PPM1L: variants seen among roughly 807,000 people sequenced by gnomAD.
PPM1L encodes the protein protein phosphatase 1L.
Under a neutral mutation model 31.4 loss-of-function variants are expected in PPM1L, and 13 were observed. The observed-to-expected ratio is 0.41, with a 90% CI of 0.27 to 0.66. The LOEUF (loss-of-function observed/expected upper bound fraction) is 0.66. Ranked by LOEUF, PPM1L falls within the 30% of genes least tolerant of loss-of-function variation. PPM1L has a pLI of 0.29. For missense variants in PPM1L, 326 were observed against 453.7 expected (o/e 0.72, Z 2.56); for synonymous variants, 184 against 175.4 (o/e 1.05, Z -0.39).
chr3:161,010,651 G>T (rs1420648948), intron 2 of PPM1L, among the ~76,000 whole-genome samples: 1 of 152,184 alleles, frequency 6.6e-6, no homozygotes, highest in South Asian at 2.1e-4. Flanking sequence ...CAGTGTAAAA[G>T]TGTTCCTATT....
chr3:161,018,462 A>G (rs1045762490), intron 2 of PPM1L, among the ~76,000 whole-genome samples: 1 of 152,168 alleles, frequency 6.6e-6, no homozygotes, highest in African/African-American at 2.4e-5. Flanking sequence ...TTCCAATATT[A>G]TTGCTTTGGA....
At chr3:161,012,935 T>A (rs1293154026) in intron 2 of PPM1L, among the ~76,000 whole-genome samples, 1 of 152,180 alleles carries the variant, frequency 6.6e-6, no homozygotes, top group African/African-American at 2.4e-5. Context: ...TTGCTAGCGG[T>A]CTATCAATAT....
At chr3:160,761,803 G>C (rs574222337) in intron 1 of PPM1L, among the ~76,000 whole-genome samples, 4 of 152,284 alleles carry the variant, frequency 2.6e-5, no homozygotes, top group Admixed American at 6.5e-5. Context: ...AAGGTGAAAG[G>C]TGCATCTCAC....
At chr3:160,767,620 T>C (rs1199904472) in intron 1 of PPM1L, among the ~76,000 whole-genome samples, 1 of 152,196 alleles carries the variant, frequency 6.6e-6, no homozygotes, top group Non-Finnish European at 1.5e-5. Flanking sequence ...TAAACACTTA[T>C]TTGCATTTGC....
At chr3:160,904,144 C>T (rs1459823682) in intron 1 of PPM1L, among the ~76,000 whole-genome samples, 2 of 151,866 alleles carry the variant, frequency 1.3e-5, no homozygotes, top group Non-Finnish European at 1.5e-5. Flanking sequence ...TTTCTAAAAC[C>T]CTCTTCAGAA....
At chr3:160,957,091 A>G (rs369433919) in intron 1 of PPM1L, among the ~76,000 whole-genome samples, 4 of 152,352 alleles carry the variant, frequency 2.6e-5, no homozygotes, top group East Asian at 1.9e-4. Context: ...CAGTATATAC[A>G]TGGCATTTGA....
chr3:160,879,184 C>A (rs1712618965), intron 1 of PPM1L, among the ~76,000 whole-genome samples: 1 of 152,226 alleles, frequency 6.6e-6, no homozygotes, highest in South Asian at 2.1e-4. Flanking sequence ...ATGGCCCCTA[C>A]TGGGTGCTTC....
At chr3:160,882,691 C>G (rs980569788) in intron 1 of PPM1L, among the ~76,000 whole-genome samples, 1 of 152,184 alleles carries the variant, frequency 6.6e-6, no homozygotes, top group African/African-American at 2.4e-5. Flanking sequence ...GATGTACCCA[C>G]TGCAGATATA....
intron 2 of PPM1L, among the ~76,000 whole-genome samples, chr3:161,056,154 G>A (rs1421272593): frequency 2.0e-5 from 3 of 152,156 alleles, no homozygotes; most frequent in African/African-American, 7.2e-5. Context: ...CAGAATGTTT[G>A]CTCTGAGGAG....
intron 1 of PPM1L, among the ~76,000 whole-genome samples, chr3:160,886,502 G>A (rs1351287021): frequency 6.6e-6 from 1 of 152,126 alleles, no homozygotes; most frequent in African/African-American, 2.4e-5. Flanking sequence ...GAAGGATCAG[G>A]CACCCATCTT....
intron 1 of PPM1L, among the ~76,000 whole-genome samples, chr3:160,955,561 T>G (rs1046208243): frequency 7.9e-5 from 12 of 152,198 alleles, no homozygotes; most frequent in African/African-American, 2.9e-4. Flanking sequence ...CAGTTTCCTT[T>G]ATGGTAAAGG....
At chr3:160,856,304 A>G (rs1408802509) in intron 1 of PPM1L, among the ~76,000 whole-genome samples, 3 of 152,182 alleles carry the variant, frequency 2.0e-5, no homozygotes, top group Non-Finnish European at 4.4e-5. Context: ...AATATTAACC[A>G]TCACATTGGT....
At chr3:160,982,438 C>T (rs1430317595) in intron 2 of PPM1L, among the ~76,000 whole-genome samples, 9 of 152,150 alleles carry the variant, frequency 5.9e-5, no homozygotes, top group Non-Finnish European at 1.2e-4. Context: ...ATCACTCCCT[C>T]CTCCCTTTTG....
intron 1 of PPM1L, among the ~76,000 whole-genome samples, chr3:160,819,004 CA>C (rs1464474796): frequency 6.6e-6 from 1 of 151,676 alleles, no homozygotes; most frequent in Non-Finnish European, 1.5e-5. Flanking sequence ...GGTATTTGGT[CA>C]AAAGTGATTA....
At chr3:160,821,984 A>T (rs1313444691) in intron 1 of PPM1L, among the ~76,000 whole-genome samples, 1 of 152,050 alleles carries the variant, frequency 6.6e-6, no homozygotes, top group African/African-American at 2.4e-5. Context: ...CAAAGGTGGG[A>T]TCAGAACTAA....
intron 3 of PPM1L, among the ~76,000 whole-genome samples, chr3:161,068,500 C>T (rs1481297006): frequency 6.6e-6 from 1 of 152,220 alleles, no homozygotes; most frequent in Admixed American, 6.5e-5. Flanking sequence ...ATGCTCTCTA[C>T]TGTCAATCAC....
intron 2 of PPM1L, among the ~76,000 whole-genome samples, chr3:161,063,835 A>G (rs1719646459): frequency 6.6e-6 from 1 of 152,256 alleles, no homozygotes; most frequent in Non-Finnish European, 1.5e-5. Flanking sequence ...AATACTATGC[A>G]GCCATAAAAA....
intron 2 of PPM1L, among the ~76,000 whole-genome samples, chr3:161,008,423 T>C (rs1717785010): frequency 6.6e-6 from 1 of 152,236 alleles, no homozygotes; most frequent in Non-Finnish European, 1.5e-5. Flanking sequence ...AATCTAAGCA[T>C]AAAAATGGAT....
At chr3:160,864,044 C>CATT (rs1576677177) in intron 1 of PPM1L, among the ~76,000 whole-genome samples, 1 of 152,288 alleles carries the variant, frequency 6.6e-6, no homozygotes, top group East Asian at 1.9e-4. Flanking sequence ...AATCTACTTC[C>CATT]ATTACTCAGA....
Sources: gnomAD v4.1 joint callset for allele counts (sites outside exome capture counted in the v4.1 genomes callset) on GRCh38, gnomAD v4.1.1 for gene constraint, MANE v1.5 for transcripts, NCBI Gene and HGNC (gene_info 2026-07-23, HGNC 2026-07-21) for gene names.